Variants in TMCO4 observed in about 807,000 individuals in gnomAD.
The protein encoded by TMCO4 is transmembrane and coiled-coil domain-containing protein 4.
A neutral mutation model predicts 64.7 loss-of-function variants in TMCO4; 58 were observed. The observed-to-expected ratio is 0.90, with a 90% CI of 0.73 to 1.12. TMCO4 has a LOEUF of 1.12. Among genes scored for constraint, TMCO4 ranks in the 50% most tolerant of loss-of-function variants. The probability of loss-of-function intolerance (pLI) is 0.00; values close to 1 mark genes in which losing one functional copy is unlikely to be tolerated. For synonymous variants in TMCO4, 325 were observed against 346.1 expected, an observed-to-expected ratio of 0.94 and a Z score of 0.68; for missense variants, 780 against 825.9, an observed-to-expected ratio of 0.94 and a Z score of 0.68.
intron 6 of TMCO4, among the ~76,000 whole-genome samples, chr1:19,760,573 T>C (rs1244613891): frequency 6.6e-6 from 1 of 152,212 alleles, no homozygotes; most frequent in East Asian, 1.9e-4. Flanking sequence ...TGTGCTTCCA[T>C]GCTCTGATAA....
At chr1:19,782,452 C>A (rs950400216) in intron 3 of TMCO4, among the ~76,000 whole-genome samples, 4 of 152,014 alleles carry the variant, frequency 2.6e-5, no homozygotes, top group Non-Finnish European at 5.9e-5. Context: ...TCTATCTTGA[C>A]CTGGGTGGTC....
intron 13 of TMCO4, among the ~76,000 whole-genome samples, chr1:19,701,733 G>A (rs535711769): frequency 3.9e-5 from 6 of 152,236 alleles, no homozygotes; most frequent in Non-Finnish European, 7.4e-5. Flanking sequence ...GGGAAGTGGG[G>A]GGTGAAGAGG....
rs1368087904 is a variant in TMCO4, at chr1:19,739,844, T to C, written c.1159A>G (p.Ile387Val). Reference sequence around the variant, plus strand: ...GGTACCTGCTGCCGGGAGAGCAGGATGTGGGCCAGGTGCTTGCCAACCTCT... The same window carrying C: ...GGTACCTGCTGCCGGGAGAGCAGGACGTGGGCCAGGTGCTTGCCAACCTCT... The part of the protein sequence containing the change: ...SAEVGKHLAH[I>V]LLSRQQGRRP... Residue 387 changes from isoleucine (I) to valine (V), a missense_variant, in exon 12 of 16, where the codon ATC becomes GTC. Ile to Val is a conservative substitution (Grantham distance 29). Coordinates refer to ENST00000294543, the MANE Select transcript of TMCO4 (RefSeq NM_181719.7). 1.2e-6 allele frequency: 2 copies of C among 1,613,686 alleles called. No homozygotes were observed. Among genetic ancestry groups the C allele is most frequent in the Non-Finnish European group, 1.7e-6 (2 of 1,179,886 alleles).
chr1:19,765,642 C>T (rs972954037), intron 6 of TMCO4, among the ~76,000 whole-genome samples: 17 of 151,958 alleles, frequency 1.1e-4, no homozygotes, highest in African/African-American at 3.6e-4. Context: ...ACTTTCATCA[C>T]GTAAAAGACT....
chr1:19,730,155 T>G (rs531201608), intron 13 of TMCO4, among the ~76,000 whole-genome samples: 1 of 152,240 alleles, frequency 6.6e-6, no homozygotes, highest in Non-Finnish European at 1.5e-5. Context: ...AATGTCTCCA[T>G]GCCTTGCTTT....
intron 9 of TMCO4, 96 bp from the exon 10 acceptor site, chr1:19,745,747 C>A: frequency 6.9e-7 from 1 of 1,456,220 alleles, no homozygotes; most frequent in South Asian, 1.3e-5. Flanking sequence ...ACAGTGAGCA[C>A]CATCTGTGTG....
rs997618533 is a variant in TMCO4, at chr1:19,739,762, C to T, written c.1179+62G>A. ...TGCCTCTAAGGCTGATATCTGTGAA[C>T]AAGTCAGCACCTGACTTCCCCTCTT... On this transcript the variant is annotated intron_variant, in intron 12 of 15. Coordinates refer to ENST00000294543, the MANE Select transcript of TMCO4 (RefSeq NM_181719.7). 2.5e-6 allele frequency: 4 copies of T among 1,569,258 alleles called. No individual in the cohort carries two copies. The Admixed American group carries it at 5.3e-5, about 21-fold the overall frequency.
At chr1:19,747,309 T>G in intron 7 of TMCO4, 49 bp from the exon 8 acceptor site, 2 of 1,522,478 alleles carry the variant, frequency 1.3e-6, no homozygotes, top group Non-Finnish European at 1.8e-6. Flanking sequence ...CCAGGATCCC[T>G]TGAGACATCC....
intron 6 of TMCO4, among the ~76,000 whole-genome samples, chr1:19,759,285 C>T (rs1045545281): frequency 2.6e-4 from 39 of 151,968 alleles, no homozygotes; most frequent in African/African-American, 8.7e-4. Context: ...CCACTGCCAC[C>T]GCCACAGCCA....
rs1032959889 is a variant in TMCO4 at position 19,728,185 on chromosome 1, A to G, written c.1264+9187T>C. On this transcript the variant is annotated intron_variant, in intron 13 of 15. Transcript: ENST00000294543. ...GTTTACCTACATAACAAGCCTGCACATGTACCCCAGAACCTAAAATAAAAG... is the reference window on the plus strand; with the variant it reads ...GTTTACCTACATAACAAGCCTGCACGTGTACCCCAGAACCTAAAATAAAAG... Among the ~76,000 whole-genome samples the G allele has an allele frequency of 3.3e-5, 5 of 152,360 alleles. No individual in the cohort carries two copies. In the South Asian group the frequency reaches 8.3e-4, roughly 25 times the overall value.
At chr1:19,771,520 AG>A in intron 4 of TMCO4, 38 bp from the exon 5 acceptor site, 1 of 1,602,734 alleles carries the variant, frequency 6.2e-7, no homozygotes, top group East Asian at 2.2e-5. Flanking sequence ...CAGGATCCTC[AG>A]AGCTCAGCCT....
At chr1:19,693,481 C>T (rs1404446114) in intron 15 of TMCO4, among the ~76,000 whole-genome samples, 2 of 152,008 alleles carry the variant, frequency 1.3e-5, no homozygotes, top group African/African-American at 2.4e-5. Context: ...CCATCTCAAA[C>T]AAAAACAAAA....
intron 4 of TMCO4, among the ~76,000 whole-genome samples, chr1:19,776,379 G>A (rs538172691): frequency 2.0e-5 from 3 of 152,282 alleles, no homozygotes; most frequent in African/African-American, 7.2e-5. Flanking sequence ...ATTGTGGAGT[G>A]GGGGTGGGAG....
intron 10 of TMCO4, among the ~76,000 whole-genome samples, chr1:19,741,214 T>A (rs549828482): frequency 6.6e-6 from 1 of 152,348 alleles, no homozygotes; most frequent in East Asian, 1.9e-4. Flanking sequence ...TCACTTTGCT[T>A]CTATGTGAAG....
chr1:19,785,625 C>CAAT (rs1303224225), intron 3 of TMCO4, among the ~76,000 whole-genome samples: 2 of 152,166 alleles, frequency 1.3e-5, no homozygotes, highest in African/African-American at 4.8e-5. Flanking sequence ...GGGAGACAGG[C>CAAT]AATAATATGC....
intron 13 of TMCO4, among the ~76,000 whole-genome samples, chr1:19,712,850 C>T (rs544626435): frequency 9.8e-4 from 149 of 152,242 alleles, no homozygotes; most frequent in Middle Eastern, 3.4e-3. Context: ...GTGATTATTT[C>T]CCATGAGCCT....
intron 13 of TMCO4, among the ~76,000 whole-genome samples, chr1:19,726,128 C>G (rs1030349664): frequency 6.6e-6 from 1 of 152,220 alleles, no homozygotes; most frequent in African/African-American, 2.4e-5. Flanking sequence ...CAGACAGTGC[C>G]TGGTGATCGT....
At chr1:19,759,827 G>A (rs1570930821) in intron 6 of TMCO4, among the ~76,000 whole-genome samples, 1 of 152,338 alleles carries the variant, frequency 6.6e-6, no homozygotes, top group East Asian at 1.9e-4. Context: ...TGTCCCACAA[G>A]GGCAGCGACA....
intron 6 of TMCO4, among the ~76,000 whole-genome samples, chr1:19,764,842 C>CAAAAAA (rs33963523): frequency 1.4e-5 from 1 of 70,418 alleles, no homozygotes; most frequent in Non-Finnish European, 2.6e-5. Flanking sequence ...AACTCTGTCT[C>CAAAAAA]AAAAAAAAAA....
Sources: allele counts gnomAD v4.1 joint callset (sites outside exome capture counted in the v4.1 genomes callset), GRCh38; gene constraint gnomAD v4.1.1; transcripts MANE v1.5; gene names NCBI Gene and HGNC (gene_info 2026-07-23, HGNC 2026-07-21).